The following CAMTA1 variants were observed in gnomAD, a reference collection of about 807,000 sequenced individuals.
CAMTA1 encodes calmodulin binding transcription activator 1.
A neutral mutation model predicts 170.9 loss-of-function variants in CAMTA1; 27 were observed. The ratio of observed to expected loss-of-function variants is 0.16; its 90% CI spans 0.12 to 0.22. CAMTA1 has a LOEUF of 0.22. Among genes scored for constraint, CAMTA1 ranks in the 10% least tolerant of loss-of-function variants. The pLI, the probability that CAMTA1 is intolerant of heterozygous loss-of-function variation, is 1.00. For missense variants in CAMTA1, 1,619 were observed against 2,217.2 expected (o/e 0.73, Z 5.42); for synonymous variants, 833 against 891.5 (o/e 0.93, Z 1.17).
chr1:6,991,134 C>G (rs1696306195), intron 3 of CAMTA1, among the ~76,000 whole-genome samples: 1 of 151,888 alleles, frequency 6.6e-6, no homozygotes. Flanking sequence ...GTTTGTTTAT[C>G]CATTCATTCA....
intron 6 of CAMTA1, among the ~76,000 whole-genome samples, chr1:7,490,582 G>A (rs555680056): frequency 1.0e-3 from 158 of 152,294 alleles, no homozygotes; most frequent in Non-Finnish European, 1.7e-3. Flanking sequence ...AACCCAGGAG[G>A]CGGAGGTTGC....
intron 3 of CAMTA1, among the ~76,000 whole-genome samples, chr1:6,902,073 A>ACACACACACACAC (rs772368106): frequency 3.4e-4 from 27 of 78,482 alleles, no homozygotes; most frequent in South Asian, 2.6e-3. Context: ...ACACACACAC[A>ACACACACACACAC]AAAAAAAAAA....
intron 11 of CAMTA1, among the ~76,000 whole-genome samples, chr1:7,718,201 C>T (rs754163702): frequency 3.3e-5 from 5 of 151,830 alleles, no homozygotes; most frequent in African/African-American, 4.8e-5. Flanking sequence ...GTGGGCGTTC[C>T]GTAAACACAG....
intron 11 of CAMTA1, among the ~76,000 whole-genome samples, chr1:7,678,363 G>A (rs75143983): frequency 3.9e-5 from 6 of 152,210 alleles, no homozygotes; most frequent in African/African-American, 1.2e-4. Flanking sequence ...CCAGGATCAC[G>A]ACTGTGGCAG....
chr1:7,430,298 G>C (rs1161407513), intron 5 of CAMTA1, among the ~76,000 whole-genome samples: 1 of 151,978 alleles, frequency 6.6e-6, no homozygotes, highest in Non-Finnish European at 1.5e-5. Context: ...TGGAGATGTT[G>C]GTAGAGGTGC....
intron 3 of CAMTA1, among the ~76,000 whole-genome samples, chr1:7,079,317 A>G (rs578086298): frequency 8.8e-4 from 134 of 152,324 alleles, no homozygotes; most frequent in South Asian, 1.9e-3. Context: ...AATGCTCTTT[A>G]GTTAAAGATA....
In CAMTA1 at chr1:7,705,720, C is replaced by A. The variant is rs550968794; in HGVS notation, c.2915-26728C>A. On this transcript the variant is annotated intron_variant, in intron 11 of 22. Transcript: ENST00000303635. ...GCGGGCACAGCCCTGCGCTCCTCAGCGGGTGCGGGATCGGGCGACGGGGGA... is the reference window on the plus strand; with the variant it reads ...GCGGGCACAGCCCTGCGCTCCTCAGAGGGTGCGGGATCGGGCGACGGGGGA... Among the ~76,000 whole-genome samples, 128 of 152,266 alleles carry A rather than the reference C, an allele frequency of 8.4e-4. 1 individual carries two copies. The highest frequency in any genetic ancestry group is 2.9e-3 in the African/African-American group (119 of 41,572).
chr1:6,810,756 A>T (rs1311877714), intron 1 of CAMTA1, among the ~76,000 whole-genome samples: 2 of 152,070 alleles, frequency 1.3e-5, no homozygotes, highest in Admixed American at 1.3e-4. Flanking sequence ...GTGAGCTGAG[A>T]TCGTGCCACT....
chr1:7,164,945 G>A (rs1014220437), intron 4 of CAMTA1, among the ~76,000 whole-genome samples: 3 of 152,196 alleles, frequency 2.0e-5, no homozygotes, highest in African/African-American at 7.2e-5. Context: ...TAGAATGCTC[G>A]TCCCTTTGTC....
intron 3 of CAMTA1, among the ~76,000 whole-genome samples, chr1:6,954,239 C>G (rs1435832459): frequency 6.6e-6 from 1 of 152,174 alleles, no homozygotes; most frequent in Admixed American, 6.5e-5. Context: ...GGTTAAGGCT[C>G]TTGACAGCAC....
intron 11 of CAMTA1, among the ~76,000 whole-genome samples, chr1:7,710,083 A>G (rs2096557844): frequency 6.6e-6 from 1 of 152,226 alleles, no homozygotes; most frequent in Non-Finnish European, 1.5e-5. Flanking sequence ...TAAGGCCTGA[A>G]AGAGTTAAGA....
At chr1:6,911,863 G>T (rs1222892141) in intron 3 of CAMTA1, among the ~76,000 whole-genome samples, 4 of 152,214 alleles carry the variant, frequency 2.6e-5, no homozygotes. Context: ...CATATTCCTG[G>T]CACACACTGA....
At position 7,661,901 on chromosome 1, in the gene CAMTA1, G is replaced by A. The variant is rs769073763; in HGVS notation, c.805+35G>A. ...GGCTCCCGGGGCAGGCGGGCGCCAC[G>A]GGGACAGAGGGGCCCTACCAGGCAG... On this transcript the variant is annotated intron_variant, in intron 8 of 22. Coordinates refer to ENST00000303635, the MANE Select transcript of CAMTA1 (RefSeq NM_015215.4). The A allele has an allele frequency of 3.2e-5, 50 of 1,565,272 alleles. No homozygotes were observed. In the South Asian group the frequency reaches 3.3e-4, roughly 10 times the overall value.
intron 5 of CAMTA1, among the ~76,000 whole-genome samples, chr1:7,276,518 C>G (rs1670753821): frequency 6.6e-6 from 1 of 151,356 alleles, no homozygotes; most frequent in African/African-American, 2.4e-5. Flanking sequence ...ACCATGTTAG[C>G]CAGGATGGTC....
At chr1:7,590,370 G>A (rs926714857) in intron 6 of CAMTA1, among the ~76,000 whole-genome samples, 6 of 152,186 alleles carry the variant, frequency 3.9e-5, no homozygotes, top group African/African-American at 1.2e-4. Context: ...GCAGGTGTGG[G>A]CCCTGGTGGG....
At chr1:7,556,688 C>A (rs1357467070) in intron 6 of CAMTA1, among the ~76,000 whole-genome samples, 1 of 152,160 alleles carries the variant, frequency 6.6e-6, no homozygotes, top group Non-Finnish European at 1.5e-5. Context: ...GCACTCAATT[C>A]GTCTGCCTGG....
chr1:7,665,975 C>T lies in CAMTA1; in HGVS notation c.2652+776C>T, dbSNP rs150662260. On this transcript the variant is annotated intron_variant, in intron 9 of 22. Coordinates refer to ENST00000303635, the MANE Select transcript of CAMTA1 (RefSeq NM_015215.4). The surrounding 1 kb of genome is among the most constrained non-coding windows in gnomAD (Gnocchi z 4.3). ...CTGAGGTCAGGAGTTCGAGACTAGC[C>T]TGGCCAACATGGTGAAACCCCGTCT... is the stretch of plus-strand genomic sequence containing the variant. Among the ~76,000 whole-genome samples, 1,046 of 152,138 alleles carry T rather than the reference C, an allele frequency of 6.9e-3. 13 individuals carry two copies. Among genetic ancestry groups the T allele is most frequent in the African/African-American group, 0.024 (998 of 41,504 alleles).
intron 6 of CAMTA1, among the ~76,000 whole-genome samples, chr1:7,488,539 CACACATACATCTGTACACATGCAT>C (rs2093650594): frequency 6.6e-6 from 1 of 152,120 alleles, no homozygotes; most frequent in East Asian, 1.9e-4. Flanking sequence ...TACACATGCA[CACACATACATCTGTACACATGCAT>C]GCACATACAT....
chr1:7,640,573 C>G lies in CAMTA1; in HGVS notation c.664+20C>G. On this transcript the variant is annotated intron_variant, in intron 7 of 22. Coordinates refer to ENST00000303635, the MANE Select transcript of CAMTA1 (RefSeq NM_015215.4). The stretch of plus-strand genomic sequence containing the variant: ...CCATGTGTGAGTGGCCTTGGCCGGC[C>G]TGGCGCCCCCACGCTGGGAACCAGG... 1 of 1,613,934 alleles carries G rather than the reference C, an allele frequency of 6.2e-7. No individual in the cohort carries two copies. Among genetic ancestry groups the G allele is most frequent in the South Asian group, 1.1e-5 (1 of 91,078 alleles).
Sources: gnomAD v4.1 joint callset for allele counts (sites outside exome capture counted in the v4.1 genomes callset) on GRCh38, gnomAD v4.1.1 for gene constraint, Gnocchi (gnomAD v3.1) non-coding constraint, MANE v1.5 for transcripts, NCBI Gene and HGNC (gene_info 2026-07-23, HGNC 2026-07-21) for gene names.